ATG4C: variants seen among roughly 807,000 people sequenced by gnomAD.
ATG4C encodes the protein autophagy related 4C cysteine peptidase.
In ATG4C, 56 loss-of-function variants were observed where a neutral mutation model predicts 57.6. The observed-to-expected ratio is 0.97, with a 90% CI of 0.78 to 1.21. ATG4C has a LOEUF of 1.21. ATG4C is among the 50% of genes most tolerant of loss of function. The pLI, the probability that ATG4C is intolerant of heterozygous loss-of-function variation, is 0.00. For missense variants in ATG4C, 595 were observed against 529.8 expected (o/e 1.12, Z -1.21); for synonymous variants, 157 against 174.1 (o/e 0.90, Z 0.78).
At chr1:62,813,729 C>T (rs936995033) in intron 3 of ATG4C, among the ~76,000 whole-genome samples, 5 of 152,114 alleles carry the variant, frequency 3.3e-5, no homozygotes, top group African/African-American at 1.2e-4. Flanking sequence ...CCAGAATCTA[C>T]AAGGAACTTA....
chr1:62,819,810 T>G (rs1439333394), intron 5 of ATG4C, among the ~76,000 whole-genome samples: 1 of 152,008 alleles, frequency 6.6e-6, no homozygotes, highest in Non-Finnish European at 1.5e-5. Flanking sequence ...ATATTATAAT[T>G]ATATCATGGT....
intron 3 of ATG4C, among the ~76,000 whole-genome samples, chr1:62,815,485 A>G (rs1665238781): frequency 6.6e-6 from 1 of 152,150 alleles, no homozygotes; most frequent in Non-Finnish European, 1.5e-5. Flanking sequence ...CCCATAGTAA[A>G]TTACTATTAT....
chr1:62,846,800 G>T (rs1435613422), intron 10 of ATG4C, among the ~76,000 whole-genome samples: 1 of 152,172 alleles, frequency 6.6e-6, no homozygotes, highest in Non-Finnish European at 1.5e-5. Flanking sequence ...TTACTTCAGT[G>T]ATCTCTTATG....
At chr1:62,818,717 T>C (rs1269917545) in intron 4 of ATG4C, among the ~76,000 whole-genome samples, 1 of 152,104 alleles carries the variant, frequency 6.6e-6, no homozygotes, top group African/African-American at 2.4e-5. Context: ...TTCAAGTGAA[T>C]AATTCAGTGG....
At position 62,841,949 on chromosome 1, in the gene ATG4C, A is replaced by AT. The variant is rs540279775; in HGVS notation, c.1209+409dup. 3.0e-3 allele frequency among the ~76,000 whole-genome samples: 456 copies of AT among 152,296 alleles called. 1 individual carries two copies. Among genetic ancestry groups the AT allele is most frequent in the Non-Finnish European group, 4.9e-3 (336 of 68,008 alleles). On this transcript the variant is annotated intron_variant, in intron 10 of 10. Transcript: ENST00000317868. ...TCTTGTTAGTCCAAGTGCTTCTTTG[A>AT]TTTTTTTAAAAAGAGAAATGGTATT...
chr1:62,865,341 T>G lies in ATG4C; in HGVS notation c.*1182T>G, dbSNP rs1486980539. ...TGACTTATAAAGACATAAAATTGTG[T>G]ATCATCTAAAGTCATTGATCTCTTC... On this transcript the variant is annotated 3_prime_UTR_variant, in exon 11 of 11. Coordinates refer to ENST00000317868, the MANE Select transcript of ATG4C (RefSeq NM_032852.4). 1.3e-5 allele frequency: 2 copies of G among 151,944 alleles called. No homozygotes were observed. Among genetic ancestry groups the G allele is most frequent in the Non-Finnish European group, 2.9e-5 (2 of 67,832 alleles). 9.4% of individuals were successfully genotyped at this position (151,944 alleles called of 1,614,324 possible).
intron 1 of ATG4C, among the ~76,000 whole-genome samples, chr1:62,801,979 A>G (rs1327992014): frequency 2.8e-5 from 4 of 142,424 alleles, no homozygotes; most frequent in South Asian, 2.3e-4. Context: ...AAAAAAAAAA[A>G]AAAAAAGAAA....
chr1:62,807,931 C>T (rs1214489419), intron 3 of ATG4C, among the ~76,000 whole-genome samples: 1 of 152,142 alleles, frequency 6.6e-6, no homozygotes, highest in Non-Finnish European at 1.5e-5. Flanking sequence ...TGGGACAGTC[C>T]TTACCCTGTG....
At position 62,850,437 on chromosome 1, in the gene ATG4C, C is replaced by A. The variant is rs188747208; in HGVS notation, c.1209+8890C>A. On this transcript the variant is annotated intron_variant, in intron 10 of 10. Transcript: ENST00000317868. The stretch of plus-strand genomic sequence containing the variant: ...AAGATTGTGTTAATTTTTTAAAGAA[C>A]CTTACAGTAGCTTTTTAACTCAGAG... 1.2e-3 allele frequency among the ~76,000 whole-genome samples: 182 copies of A among 152,196 alleles called. 1 individual carries two copies. The highest frequency in any genetic ancestry group is 3.9e-3 in the African/African-American group (164 of 41,528).
At chr1:62,833,802 T>C (rs921495383) in intron 7 of ATG4C, among the ~76,000 whole-genome samples, 2 of 152,152 alleles carry the variant, frequency 1.3e-5, no homozygotes, top group African/African-American at 4.8e-5. Flanking sequence ...TGTTTAATGT[T>C]GTTGAGCAAC....
At chr1:62,802,376 T>C (rs1310807873) in intron 1 of ATG4C, among the ~76,000 whole-genome samples, 1 of 151,922 alleles carries the variant, frequency 6.6e-6, no homozygotes, top group Non-Finnish European at 1.5e-5. Flanking sequence ...GCCAACATGA[T>C]GCTCAAAGGA....
At chr1:62,837,715 G>T (rs1666039063) in intron 9 of ATG4C, among the ~76,000 whole-genome samples, 1 of 152,160 alleles carries the variant, frequency 6.6e-6, no homozygotes, top group African/African-American at 2.4e-5. Flanking sequence ...GATTGGATGA[G>T]TGAATTCTTC....
chr1:62,796,715 A>G (rs1370994441), intron 1 of ATG4C, among the ~76,000 whole-genome samples: 2 of 152,204 alleles, frequency 1.3e-5, no homozygotes, highest in Non-Finnish European at 2.9e-5. Flanking sequence ...TTACTTTTGA[A>G]TAATATTGAT....
intron 10 of ATG4C, among the ~76,000 whole-genome samples, chr1:62,842,084 ACTT>A (rs1351490043): frequency 2.0e-5 from 3 of 152,048 alleles, no homozygotes; most frequent in Admixed American, 6.6e-5. Flanking sequence ...GGTTTATTTA[ACTT>A]CTTCTCATTA....
chr1:62,790,731 A>T (rs570875696), intron 1 of ATG4C, among the ~76,000 whole-genome samples: 1 of 152,340 alleles, frequency 6.6e-6, no homozygotes, highest in African/African-American at 2.4e-5. Flanking sequence ...AAGTTTTAAG[A>T]CTTGTAAGCT....
intron 7 of ATG4C, among the ~76,000 whole-genome samples, chr1:62,832,668 C>T (rs1665879490): frequency 6.6e-6 from 1 of 152,120 alleles, no homozygotes; most frequent in Non-Finnish European, 1.5e-5. Flanking sequence ...GCTTTCAACA[C>T]TACATTGGGG....
intron 3 of ATG4C, among the ~76,000 whole-genome samples, chr1:62,814,925 C>A (rs529813586): frequency 6.6e-6 from 1 of 152,002 alleles, no homozygotes; most frequent in African/African-American, 2.4e-5. Context: ...ATTAGCCTGG[C>A]GTTGTGGTGC....
chr1:62,857,767 A>G (rs527274381), intron 10 of ATG4C, among the ~76,000 whole-genome samples: 1 of 152,330 alleles, frequency 6.6e-6, no homozygotes, highest in African/African-American at 2.4e-5. Context: ...ATGGTGTACA[A>G]ACACCATTGG....
At position 62,841,626 on chromosome 1, in the gene ATG4C, A is replaced by G. The variant is rs1666170903; in HGVS notation, c.1209+79A>G. ...GACTGTCAGAAAGCAAAAACCTGTA[A>G]ATTATAATTTTTTATAAAATTTCCT... On this transcript the variant is annotated intron_variant, in intron 10 of 10. Transcript: ENST00000317868. 6 of 1,208,642 alleles carry G rather than the reference A, an allele frequency of 5.0e-6. No individual in the cohort carries two copies. The South Asian group carries it at 9.3e-5, about 19-fold the overall frequency. 74.9% of individuals were successfully genotyped at this position (1,208,642 alleles called of 1,614,324 possible).
Sources: gnomAD v4.1 joint callset for allele counts (sites outside exome capture counted in the v4.1 genomes callset) on GRCh38, gnomAD v4.1.1 for gene constraint, MANE v1.5 for transcripts, NCBI Gene and HGNC (gene_info 2026-07-23, HGNC 2026-07-21) for gene names.